EYS: variants seen among roughly 807,000 people sequenced by gnomAD.
EYS encodes EGF-like photoreceptor maintenance factor.
In EYS, 250 loss-of-function variants were observed where a neutral mutation model predicts 282.1. That is an observed-to-expected ratio of 0.89 (90% CI 0.80 to 0.98). The LOEUF (loss-of-function observed/expected upper bound fraction) is 0.98. Ranked by LOEUF, EYS falls within the 50% of genes least tolerant of loss-of-function variation. The pLI is 0.00. For missense variants in EYS, 4,016 were observed against 3,709.0 expected, an observed-to-expected ratio of 1.08 and a Z score of -2.15; for synonymous variants, 1,355 against 1,282.9, an observed-to-expected ratio of 1.06 and a Z score of -1.20.
intron 29 of EYS, among the ~76,000 whole-genome samples, chr6:64,356,151 A>G (rs1387613133): frequency 1.3e-5 from 2 of 151,626 alleles, no homozygotes; most frequent in African/African-American, 4.8e-5. Context: ...TTACTGTTTC[A>G]TTTGTATTCC....
intron 30 of EYS, among the ~76,000 whole-genome samples, chr6:64,248,543 G>GT (rs1344301795): frequency 1.3e-5 from 2 of 152,124 alleles, no homozygotes; most frequent in African/African-American, 4.8e-5. Flanking sequence ...GTCAGGGGCT[G>GT]TCAGGAAACA....
intron 35 of EYS, among the ~76,000 whole-genome samples, chr6:63,968,150 T>A (rs2149781275): frequency 6.6e-6 from 1 of 152,344 alleles, no homozygotes; most frequent in South Asian, 2.1e-4. Context: ...GTCTTCTATA[T>A]TTATATGTGC....
intron 28 of EYS, among the ~76,000 whole-genome samples, chr6:64,421,702 C>G (rs937062909): frequency 6.6e-6 from 1 of 152,088 alleles, no homozygotes; most frequent in African/African-American, 2.4e-5. Context: ...AGAGCTTGCT[C>G]TTTTTCTCTT....
intron 26 of EYS, among the ~76,000 whole-genome samples, chr6:64,581,910 GAAC>G (rs571361657): frequency 2.0e-3 from 301 of 152,246 alleles, no homozygotes; most frequent in African/African-American, 7.0e-3. Context: ...ACTTGAGATA[GAAC>G]AATAGGATTA....
intron 31 of EYS, among the ~76,000 whole-genome samples, chr6:64,207,331 G>A (rs989848059): frequency 6.6e-6 from 1 of 151,916 alleles, no homozygotes; most frequent in Admixed American, 6.6e-5. Flanking sequence ...AACAGACATG[G>A]TCCCTCAATC....
chr6:65,147,523 T>C (rs1764509286), intron 12 of EYS, among the ~76,000 whole-genome samples: 1 of 152,090 alleles, frequency 6.6e-6, no homozygotes, highest in South Asian at 2.1e-4. Flanking sequence ...TACATTTTTC[T>C]TATGATTACA....
intron 35 of EYS, among the ~76,000 whole-genome samples, chr6:63,952,619 C>T (rs1370015153): frequency 6.6e-6 from 1 of 152,204 alleles, no homozygotes; most frequent in Non-Finnish European, 1.5e-5. Context: ...GTTATCCCCA[C>T]CTGCCCAGCT....
chr6:64,928,881 G>A (rs149392815), intron 15 of EYS, among the ~76,000 whole-genome samples: 26 of 152,026 alleles, frequency 1.7e-4, no homozygotes, highest in African/African-American at 6.3e-4. Flanking sequence ...ATGTTTCTAT[G>A]CAGTTCTGTG....
chr6:64,617,880 T>C (rs758104075), intron 23 of EYS, among the ~76,000 whole-genome samples: 1 of 152,160 alleles, frequency 6.6e-6, no homozygotes, highest in Non-Finnish European at 1.5e-5. Context: ...TTGGAATAAA[T>C]ACATGGAAAG....
chr6:63,898,333 A>C (rs1773584182), intron 35 of EYS, among the ~76,000 whole-genome samples: 1 of 151,690 alleles, frequency 6.6e-6, no homozygotes, highest in African/African-American at 2.4e-5. Context: ...CGAAAAATAC[A>C]AAAAAAATTT....
intron 31 of EYS, among the ~76,000 whole-genome samples, chr6:64,171,973 T>C (rs1764492992): frequency 6.6e-6 from 1 of 152,102 alleles, no homozygotes; most frequent in Non-Finnish European, 1.5e-5. Flanking sequence ...AGGACTGAAA[T>C]GTGCTGATGG....
At chr6:63,773,360 G>A (rs1275733215) in intron 40 of EYS, among the ~76,000 whole-genome samples, 1 of 152,086 alleles carries the variant, frequency 6.6e-6, no homozygotes, top group Admixed American at 6.6e-5. Context: ...AGCAAAGGGA[G>A]GAGGAAAAAA....
chr6:65,013,983 G>A (rs1771964020), intron 13 of EYS, among the ~76,000 whole-genome samples: 1 of 152,192 alleles, frequency 6.6e-6, no homozygotes, highest in African/African-American at 2.4e-5. Context: ...TCATAAGGGA[G>A]TCCATCAAAA....
At chr6:63,989,686 C>T (rs1767524016) in intron 34 of EYS, among the ~76,000 whole-genome samples, 1 of 151,500 alleles carries the variant, frequency 6.6e-6, no homozygotes, top group East Asian at 1.9e-4. Context: ...TCCTGCTTTT[C>T]CTCAATCTCT....
At chr6:64,143,637 G>C (rs1774416790) in intron 31 of EYS, among the ~76,000 whole-genome samples, 1 of 152,132 alleles carries the variant, frequency 6.6e-6, no homozygotes, top group African/African-American at 2.4e-5. Context: ...CAGAAAACTG[G>C]GTCTCTCTCT....
At chr6:64,208,545 C>T (rs561919564) in intron 31 of EYS, among the ~76,000 whole-genome samples, 9 of 151,924 alleles carry the variant, frequency 5.9e-5, no homozygotes, top group Admixed American at 1.3e-4. Context: ...ATTTACATGG[C>T]TATTCAAATA....
At chr6:64,612,192 T>C (rs1357871204) in intron 24 of EYS, among the ~76,000 whole-genome samples, 2 of 152,054 alleles carry the variant, frequency 1.3e-5, no homozygotes, top group East Asian at 1.9e-4. Context: ...GAAAATAGTT[T>C]CTCCATTTTT....
At chr6:64,686,793 G>GTATA (rs757264177) in intron 22 of EYS, among the ~76,000 whole-genome samples, 1,449 of 22,096 alleles carry the variant, frequency 0.066, 32 homozygotes, top group South Asian at 0.089. Flanking sequence ...ATATATGTGT[G>GTATA]TATATATATA....
intron 22 of EYS, among the ~76,000 whole-genome samples, chr6:64,703,430 T>TATA (rs1491104462): frequency 5.6e-3 from 70 of 12,424 alleles, no homozygotes; most frequent in East Asian, 0.013. Context: ...TATATATATA[T>TATA]TTTTTTTTTT....
Sources: allele counts gnomAD v4.1 joint callset (sites outside exome capture counted in the v4.1 genomes callset), GRCh38; gene constraint gnomAD v4.1.1; transcripts MANE v1.5; gene names NCBI Gene and HGNC (gene_info 2026-07-23, HGNC 2026-07-21).